Variants in HAPLN1 observed in about 807,000 individuals in gnomAD.
The protein encoded by HAPLN1 is Cartilage link protein.
Under a neutral mutation model 36.5 loss-of-function variants are expected in HAPLN1, and 13 were observed. The observed-to-expected ratio is 0.36, with a 90% CI of 0.23 to 0.57. The LOEUF (loss-of-function observed/expected upper bound fraction) is 0.57, where lower values mean the gene tolerates loss of function less well. Among genes scored for constraint, HAPLN1 ranks in the 20% least tolerant of loss-of-function variants. The probability of loss-of-function intolerance (pLI) is 0.83; values close to 1 mark genes in which losing one functional copy is unlikely to be tolerated. For missense variants in HAPLN1, 407 were observed against 439.7 expected (o/e 0.93, Z 0.66); for synonymous variants, 202 against 169.8 (o/e 1.19, Z -1.48).
intron 1 of HAPLN1, among the ~76,000 whole-genome samples, chr5:83,687,278 G>A (rs937977656): frequency 2.6e-5 from 4 of 152,146 alleles, no homozygotes; most frequent in Non-Finnish European, 5.9e-5. Context: ...TCCTCTCATG[G>A]AGGAGAATAC....
chr5:83,694,055 C>G (rs988685719), intron 1 of HAPLN1, among the ~76,000 whole-genome samples: 5 of 151,802 alleles, frequency 3.3e-5, no homozygotes, highest in African/African-American at 1.2e-4. Flanking sequence ...GGTCATAAGA[C>G]AATTCTCAAG....
intron 1 of HAPLN1, among the ~76,000 whole-genome samples, chr5:83,689,743 T>C (rs1363806850): frequency 6.6e-6 from 1 of 152,094 alleles, no homozygotes; most frequent in East Asian, 1.9e-4. Context: ...TATACAGTGA[T>C]TTTACTATAG....
At chr5:83,678,172 C>T (rs1229134310) in intron 1 of HAPLN1, among the ~76,000 whole-genome samples, 3 of 150,846 alleles carry the variant, frequency 2.0e-5, no homozygotes, top group African/African-American at 7.3e-5. Context: ...TGCTTATGTT[C>T]ATTTTTCCTC....
intron 1 of HAPLN1, among the ~76,000 whole-genome samples, chr5:83,684,776 T>TTCCAAC (rs1751083513): frequency 6.6e-6 from 1 of 152,074 alleles, no homozygotes; most frequent in African/African-American, 2.4e-5. Flanking sequence ...CCTAGTGCAA[T>TTCCAAC]CAGGCATTCC....
At chr5:83,664,934 T>A (rs1750512924) in intron 2 of HAPLN1, among the ~76,000 whole-genome samples, 1 of 152,188 alleles carries the variant, frequency 6.6e-6, no homozygotes, top group Non-Finnish European at 1.5e-5. Context: ...ATCAGCTTTT[T>A]AGTACTTTGG....
chr5:83,698,199 G>T (rs1251460127), intron 1 of HAPLN1, among the ~76,000 whole-genome samples: 1 of 151,878 alleles, frequency 6.6e-6, no homozygotes. Flanking sequence ...ATGATGTGAG[G>T]TAGAGTCCAA....
At chr5:83,659,047 G>A (rs1182341000) in intron 2 of HAPLN1, among the ~76,000 whole-genome samples, 1 of 152,144 alleles carries the variant, frequency 6.6e-6, no homozygotes, top group Non-Finnish European at 1.5e-5. Flanking sequence ...GCAGAGGTAG[G>A]TGGATCACCT....
chr5:83,662,920 A>G (rs186656506), intron 2 of HAPLN1, among the ~76,000 whole-genome samples: 1 of 152,398 alleles, frequency 6.6e-6, no homozygotes, highest in East Asian at 1.9e-4. Context: ...CACAGGAGTC[A>G]ATCCTAGAGG....
chr5:83,643,294 G>C (rs1156595505), intron 4 of HAPLN1, among the ~76,000 whole-genome samples: 1 of 150,142 alleles, frequency 6.7e-6, no homozygotes, highest in Non-Finnish European at 1.5e-5. Flanking sequence ...AGGTTGCAGT[G>C]AGCCCAGGTC....
intron 1 of HAPLN1, among the ~76,000 whole-genome samples, chr5:83,714,518 A>G (rs961193272): frequency 1.6e-4 from 25 of 152,040 alleles, no homozygotes; most frequent in Admixed American, 2.0e-4. Flanking sequence ...TTTTTTTCAT[A>G]GTTTTCCAGA....
At chr5:83,701,121 C>T (rs1192942251) in intron 1 of HAPLN1, among the ~76,000 whole-genome samples, 4 of 152,154 alleles carry the variant, frequency 2.6e-5, no homozygotes. Flanking sequence ...AAAGCTAATA[C>T]TAGACTAATT....
At chr5:83,685,928 T>C (rs143405272) in intron 1 of HAPLN1, 2 of 152,286 alleles carry the variant, frequency 1.3e-5, no homozygotes, top group African/African-American at 4.8e-5. Flanking sequence ...AGGACCATTT[T>C]TGGCCAAGAG....
At chr5:83,719,580 T>A (rs1261165669) in intron 1 of HAPLN1, among the ~76,000 whole-genome samples, 11 of 152,320 alleles carry the variant, frequency 7.2e-5, no homozygotes, top group Non-Finnish European at 1.5e-5. Context: ...AAACTTTCAT[T>A]TTTGTAGGTA....
At chr5:83,679,178 G>T (rs1351266774) in intron 1 of HAPLN1, among the ~76,000 whole-genome samples, 1 of 152,160 alleles carries the variant, frequency 6.6e-6, no homozygotes, top group African/African-American at 2.4e-5. Context: ...CATACAAACT[G>T]CTTAGATTTA....
chr5:83,694,269 C>G (rs370171213), intron 1 of HAPLN1, among the ~76,000 whole-genome samples: 6 of 151,892 alleles, frequency 4.0e-5, no homozygotes, highest in African/African-American at 1.4e-4. Flanking sequence ...CATAGCATAT[C>G]AAAATCTCTG....
intron 1 of HAPLN1, among the ~76,000 whole-genome samples, chr5:83,711,488 A>G (rs949690900): frequency 2.0e-5 from 3 of 152,310 alleles, no homozygotes; most frequent in Non-Finnish European, 4.4e-5. Flanking sequence ...AAGGACATGG[A>G]GAACGCTGGC....
chr5:83,682,986 C>T (rs568251509), intron 1 of HAPLN1, among the ~76,000 whole-genome samples: 1 of 152,136 alleles, frequency 6.6e-6, no homozygotes, highest in Non-Finnish European at 1.5e-5. Context: ...TAGCTAGAAA[C>T]TACTGCTGTA....
At chr5:83,708,868 T>C (rs1204888172) in intron 1 of HAPLN1, among the ~76,000 whole-genome samples, 2 of 152,074 alleles carry the variant, frequency 1.3e-5, no homozygotes, top group East Asian at 3.9e-4. Context: ...TCTTTTGTCT[T>C]TTCTTTTCTT....
intron 1 of HAPLN1, among the ~76,000 whole-genome samples, chr5:83,702,528 C>T (rs1414343477): frequency 6.6e-6 from 1 of 152,124 alleles, no homozygotes; most frequent in Admixed American, 6.5e-5. Context: ...GATAATCCCT[C>T]TAGGCTTGAA....
Sources: allele counts gnomAD v4.1 joint callset (sites outside exome capture counted in the v4.1 genomes callset), GRCh38; gene constraint gnomAD v4.1.1; transcripts MANE v1.5; gene names NCBI Gene and HGNC (gene_info 2026-07-23, HGNC 2026-07-21).